Variants in TACR1 observed in about 807,000 individuals in gnomAD.
TACR1 encodes the protein tachykinin receptor 1, also known as substance-P receptor.
In TACR1, 25 loss-of-function variants were observed where a neutral mutation model predicts 35.8. That is an observed-to-expected ratio of 0.70 (90% CI 0.51 to 0.98). The LOEUF (loss-of-function observed/expected upper bound fraction) is 0.98. Among genes scored for constraint, TACR1 ranks in the 50% least tolerant of loss-of-function variants. The pLI, the probability that TACR1 is intolerant of heterozygous loss-of-function variation, is 0.00. For synonymous variants in TACR1, 195 were observed against 206.7 expected (o/e 0.94, Z 0.48); for missense variants, 478 against 522.9 (o/e 0.91, Z 0.84).
At position 75,165,938 on chromosome 2, in the gene TACR1, T is replaced by C. The variant is rs376226410; in HGVS notation, c.389+32608A>G. Among the ~76,000 whole-genome samples, 4 of 152,334 alleles carry C rather than the reference T, an allele frequency of 2.6e-5. No individual in the cohort carries two copies. The East Asian group carries it at 5.8e-4, about 22-fold the overall frequency. ...TTTTAACAAGAAAAGCCCCATACTT[T>C]AATGGGCCAATTCAAACAACTGACA... is the stretch of plus-strand genomic sequence containing the variant. On this transcript the variant is annotated intron_variant, in intron 1 of 4. Transcript: ENST00000305249.
At chr2:75,172,121 T>C (rs1675300603) in intron 1 of TACR1, among the ~76,000 whole-genome samples, 1 of 152,196 alleles carries the variant, frequency 6.6e-6, no homozygotes, top group African/African-American at 2.4e-5. Flanking sequence ...CTTTTCTAAT[T>C]CATCAGAAGA....
At chr2:75,162,403 T>C (rs1675032607) in intron 1 of TACR1, among the ~76,000 whole-genome samples, 2 of 152,218 alleles carry the variant, frequency 1.3e-5, no homozygotes, top group Non-Finnish European at 2.9e-5. Flanking sequence ...TTCTAGCCAA[T>C]GGCCAATGGT....
chr2:75,051,135 C>T, intron 4 of TACR1, 116 bp downstream of exon 4: 6 of 1,333,684 alleles, frequency 4.5e-6, no homozygotes, highest in South Asian at 2.6e-5. Context: ...AGCTGCAGTC[C>T]CCACTTGTCC....
chr2:75,165,648 G>A (rs573956081), intron 1 of TACR1, among the ~76,000 whole-genome samples: 34 of 152,168 alleles, frequency 2.2e-4, no homozygotes, highest in Non-Finnish European at 3.5e-4. Flanking sequence ...GGCCACTGGA[G>A]TAGTCTGGGA....
intron 2 of TACR1, among the ~76,000 whole-genome samples, chr2:75,054,139 G>C (rs1672526350): frequency 6.6e-6 from 1 of 152,092 alleles, no homozygotes; most frequent in African/African-American, 2.4e-5. Context: ...GCAAACTCAG[G>C]CTACATTAAT....
intron 1 of TACR1, 49 bp from the exon 2 acceptor site, chr2:75,120,817 G>T (rs1166689061): frequency 1.4e-6 from 2 of 1,406,032 alleles, no homozygotes; most frequent in African/African-American, 1.4e-5. Context: ...ACCAAAATCT[G>T]TATCAGAGAT....
chr2:75,154,313 A>G (rs924874799), intron 1 of TACR1: 2 of 152,054 alleles, frequency 1.3e-5, no homozygotes, highest in African/African-American at 2.4e-5. Flanking sequence ...CAGACTGAGC[A>G]TGTCACAAGG....
At chr2:75,122,272 G>A (rs1444384743) in intron 1 of TACR1, among the ~76,000 whole-genome samples, 2 of 152,166 alleles carry the variant, frequency 1.3e-5, no homozygotes, top group Non-Finnish European at 2.9e-5. Context: ...TTTGGGGTGA[G>A]TCTGCTGAGC....
intron 1 of TACR1, among the ~76,000 whole-genome samples, chr2:75,143,509 T>G (rs1382256372): frequency 6.6e-6 from 1 of 152,206 alleles, no homozygotes; most frequent in Non-Finnish European, 1.5e-5. Flanking sequence ...TTACTGTGTG[T>G]AGGCATTGTC....
chr2:75,118,138 G>A (rs1313843075), intron 2 of TACR1, among the ~76,000 whole-genome samples: 1 of 152,134 alleles, frequency 6.6e-6, no homozygotes, highest in African/African-American at 2.4e-5. Flanking sequence ...TGTGAAAGTG[G>A]CAATCATTTC....
At chr2:75,126,101 G>A (rs980012743) in intron 1 of TACR1, among the ~76,000 whole-genome samples, 2 of 152,104 alleles carry the variant, frequency 1.3e-5, no homozygotes, top group South Asian at 2.1e-4. Flanking sequence ...GTAGACCCCA[G>A]TGTCTGTTTC....
intron 1 of TACR1, among the ~76,000 whole-genome samples, chr2:75,176,531 A>G (rs1214897413): frequency 6.6e-6 from 1 of 152,088 alleles, no homozygotes; most frequent in Non-Finnish European, 1.5e-5. Context: ...AATAGATTCT[A>G]TAGTTCTGGT....
chr2:75,108,345 A>G (rs1673690031), intron 2 of TACR1, among the ~76,000 whole-genome samples: 1 of 152,220 alleles, frequency 6.6e-6, no homozygotes, highest in Non-Finnish European at 1.5e-5. Context: ...CACAGGGAAT[A>G]GAATTAAAAT....
chr2:75,177,305 T>C (rs1176286209), intron 1 of TACR1, among the ~76,000 whole-genome samples: 1 of 152,194 alleles, frequency 6.6e-6, no homozygotes, highest in Non-Finnish European at 1.5e-5. Flanking sequence ...ACTGTTCCTG[T>C]CTTCACGTTT....
chr2:75,116,263 C>G (rs748562669), intron 2 of TACR1, among the ~76,000 whole-genome samples: 3 of 152,078 alleles, frequency 2.0e-5, no homozygotes, highest in African/African-American at 7.2e-5. Context: ...CTTGCCACCA[C>G]GCAGAGCTAA....
chr2:75,121,779 T>C (rs1047665380), intron 1 of TACR1, among the ~76,000 whole-genome samples: 2 of 152,258 alleles, frequency 1.3e-5, no homozygotes, highest in African/African-American at 4.8e-5. Flanking sequence ...GCCTTTGGCA[T>C]TTAAATATTA....
At chr2:75,140,340 GA>G (rs1572952661) in intron 1 of TACR1, among the ~76,000 whole-genome samples, 1 of 151,464 alleles carries the variant, frequency 6.6e-6, no homozygotes, top group East Asian at 1.9e-4. Flanking sequence ...TTTACTTTTT[GA>G]AAAAAAAGCA....
At chr2:75,135,010 C>G (rs2103936426) in intron 1 of TACR1, among the ~76,000 whole-genome samples, 1 of 152,268 alleles carries the variant, frequency 6.6e-6, no homozygotes, top group African/African-American at 2.4e-5. Flanking sequence ...AAACACAGAG[C>G]AAGAGAGAAA....
chr2:75,136,445 CT>C (rs1242832782), intron 1 of TACR1, among the ~76,000 whole-genome samples: 3 of 152,148 alleles, frequency 2.0e-5, no homozygotes, highest in Admixed American at 2.0e-4. Context: ...CAGGTATGCA[CT>C]TTTGGCAAAT....
Sources: gnomAD v4.1 joint callset for allele counts (sites outside exome capture counted in the v4.1 genomes callset) on GRCh38, gnomAD v4.1.1 for gene constraint, MANE v1.5 for transcripts, NCBI Gene and HGNC (gene_info 2026-07-23, HGNC 2026-07-21) for gene names.